The following NEK11 variants were observed in gnomAD, a reference collection of about 807,000 sequenced individuals.
The protein encoded by NEK11 is serine/threonine-protein kinase Nek11.
Under a neutral mutation model 80.7 loss-of-function variants are expected in NEK11, and 72 were observed. That is an observed-to-expected ratio of 0.89 (90% CI 0.74 to 1.08). The LOEUF is 1.08. NEK11 is among the 50% of genes least tolerant of loss of function. The pLI is 0.00. For synonymous variants in NEK11, 251 were observed against 260.7 expected (o/e 0.96, Z 0.36); for missense variants, 764 against 763.6 (o/e 1.00, Z -0.01).
chr3:131,232,322 G>T (rs771879074), intron 15 of NEK11, among the ~76,000 whole-genome samples: 4 of 152,186 alleles, frequency 2.6e-5, no homozygotes, highest in Non-Finnish European at 4.4e-5. Context: ...ACAGGCTGAC[G>T]AGTGTTTTCA....
At chr3:131,314,130 A>AGTGAGT (rs1554008651) in intron 17 of NEK11, among the ~76,000 whole-genome samples, 1 of 149,224 alleles carries the variant, frequency 6.7e-6, no homozygotes, top group Non-Finnish European at 1.5e-5. Context: ...GGAGAAAAAG[A>AGTGAGT]GTGTGTGTGT....
At chr3:131,120,213 G>T (rs2082128205) in intron 5 of NEK11, among the ~76,000 whole-genome samples, 1 of 152,076 alleles carries the variant, frequency 6.6e-6, no homozygotes, top group African/African-American at 2.4e-5. Flanking sequence ...GTCTGTAAAG[G>T]ATTTTATTTC....
chr3:131,299,468 C>T lies in NEK11; in HGVS notation c.1718+25894C>T, dbSNP rs115546702. Reference sequence around the variant, plus strand: ...CAGCCTCCCAAAAGTGCTGCAATTACAGGCATCAGCCACCATGCCTGGCCC... The same window carrying T: ...CAGCCTCCCAAAAGTGCTGCAATTATAGGCATCAGCCACCATGCCTGGCCC... On this transcript the variant is annotated intron_variant, in intron 17 of 17. Coordinates refer to ENST00000383366, the MANE Select transcript of NEK11 (RefSeq NM_024800.5). 9.5e-3 allele frequency among the ~76,000 whole-genome samples: 1,447 copies of T among 151,952 alleles called. 31 individuals are homozygous for T. Among genetic ancestry groups the T allele is most frequent in the African/African-American group, 0.033 (1,360 of 41,502 alleles).
At chr3:131,110,221 T>G (rs1234835009) in intron 5 of NEK11, among the ~76,000 whole-genome samples, 6 of 152,166 alleles carry the variant, frequency 3.9e-5, no homozygotes, top group Admixed American at 3.9e-4. Context: ...CAGGAAGTTC[T>G]CAGAAACCTT....
intron 17 of NEK11, among the ~76,000 whole-genome samples, chr3:131,347,883 G>A (rs1432254698): frequency 6.6e-6 from 1 of 150,914 alleles, no homozygotes; most frequent in Admixed American, 6.6e-5. Context: ...AGGATGCAGT[G>A]AGCTGAGATC....
intron 14 of NEK11, chr3:131,175,065 T>G (rs1007656424): frequency 2.0e-5 from 23 of 1,172,936 alleles, no homozygotes; most frequent in African/African-American, 1.9e-4. Flanking sequence ...CTGGGCTGTC[T>G]ATGACTTACG....
chr3:131,078,431 T>C (rs1301809598), intron 3 of NEK11, among the ~76,000 whole-genome samples: 1 of 152,206 alleles, frequency 6.6e-6, no homozygotes. Flanking sequence ...ATTTCCTAAC[T>C]TAGAATTGTA....
intron 17 of NEK11, among the ~76,000 whole-genome samples, chr3:131,280,368 CT>C (rs11394728): frequency 3.1e-4 from 47 of 151,058 alleles, no homozygotes; most frequent in African/African-American, 1.1e-3. Context: ...GTGCTATGCT[CT>C]TTTTTTTTAA....
chr3:131,045,150 C>T (rs148046507), intron 3 of NEK11, among the ~76,000 whole-genome samples: 1,537 of 152,234 alleles, frequency 0.01, 21 homozygotes, highest in East Asian at 0.074. Context: ...GCACTAAATG[C>T]CCACAGGAGA....
At position 131,152,659 on chromosome 3, in the gene NEK11, C is replaced by CCGT; in HGVS notation, c.827_828insGTC (p.Ser277dup). On this transcript the variant is annotated inframe_insertion, in exon 9 of 18. Transcript: ENST00000383366. Reference sequence around the variant, plus strand: ...GTTGAACAAGAATCCTTCATTAAGACCATCTGCTATCGAAATTTTAAAAAT... The same window carrying CCGT: ...GTTGAACAAGAATCCTTCATTAAGACCGTCATCTGCTATCGAAATTTTAAAAAT... 6.2e-7 allele frequency: 1 copy of CCGT among 1,613,656 alleles called. No individual in the cohort carries two copies. The highest frequency in any genetic ancestry group is 8.5e-7 in the Non-Finnish European group (1 of 1,179,748).
At chr3:131,064,431 G>T (rs2071491699) in intron 3 of NEK11, among the ~76,000 whole-genome samples, 1 of 152,156 alleles carries the variant, frequency 6.6e-6, no homozygotes, top group Middle Eastern at 3.4e-3. Context: ...CGTGTCCCTG[G>T]TCTCTCCCTC....
In NEK11 at chr3:131,077,968, T is replaced by C. The variant is rs2074642967; in HGVS notation, c.171-2455T>C. Among the ~76,000 whole-genome samples, 3 of 152,218 alleles carry C rather than the reference T, an allele frequency of 2.0e-5. No homozygotes were observed. In the South Asian group the frequency reaches 6.2e-4, roughly 31 times the overall value. ...AGCCTAATAGGCTGTTTAAAACCAATGTGAAAACACGTTAGGGGAAGGAAG... is the reference window on the plus strand; with the variant it reads ...AGCCTAATAGGCTGTTTAAAACCAACGTGAAAACACGTTAGGGGAAGGAAG... On this transcript the variant is annotated intron_variant, in intron 3 of 17. Coordinates refer to ENST00000383366, the MANE Select transcript of NEK11 (RefSeq NM_024800.5).
At chr3:131,285,810 A>G (rs1306983362) in intron 17 of NEK11, among the ~76,000 whole-genome samples, 2 of 152,186 alleles carry the variant, frequency 1.3e-5, no homozygotes, top group East Asian at 1.9e-4. Context: ...TGCTTAACAC[A>G]TTTGTACCCT....
intron 17 of NEK11, among the ~76,000 whole-genome samples, chr3:131,345,196 A>G (rs2097344211): frequency 1.3e-5 from 2 of 152,236 alleles, no homozygotes; most frequent in East Asian, 1.9e-4. Flanking sequence ...AATTAATGGG[A>G]GTATGTAAAA....
chr3:131,097,292 T>A (rs1485813149), intron 4 of NEK11, among the ~76,000 whole-genome samples: 1 of 151,858 alleles, frequency 6.6e-6, no homozygotes, highest in Admixed American at 6.6e-5. Context: ...TAGTTCTAGA[T>A]CCCTGAGGAA....
chr3:131,062,505 CTG>C (rs1267847829), intron 3 of NEK11, among the ~76,000 whole-genome samples: 1 of 152,210 alleles, frequency 6.6e-6, no homozygotes, highest in Admixed American at 6.5e-5. Flanking sequence ...AATTTGCACA[CTG>C]TGGTAGCCAC....
At chr3:131,198,834 G>C (rs1490033466) in intron 14 of NEK11, among the ~76,000 whole-genome samples, 2 of 152,182 alleles carry the variant, frequency 1.3e-5, no homozygotes, top group African/African-American at 4.8e-5. Flanking sequence ...TTACTAAATG[G>C]GTATTGGCTT....
intron 16 of NEK11, among the ~76,000 whole-genome samples, chr3:131,268,024 A>C (rs1264931131): frequency 6.6e-6 from 1 of 151,640 alleles, no homozygotes; most frequent in Non-Finnish European, 1.5e-5. Flanking sequence ...CATTAAGTTC[A>C]TAGTCTCTGA....
intron 11 of NEK11, among the ~76,000 whole-genome samples, 162 bp downstream of exon 11, chr3:131,162,689 G>C (rs185618731): frequency 2.1e-4 from 32 of 152,298 alleles, no homozygotes; most frequent in Admixed American, 9.2e-4. Context: ...TGATTATTGA[G>C]CCATAGATTG....
Sources: gnomAD v4.1 joint callset for allele counts (sites outside exome capture counted in the v4.1 genomes callset) on GRCh38, gnomAD v4.1.1 for gene constraint, MANE v1.5 for transcripts, NCBI Gene and HGNC (gene_info 2026-07-23, HGNC 2026-07-21) for gene names.